SH3BGRL: variants seen among roughly 807,000 people sequenced by gnomAD.
SH3BGRL encodes SH3 domain binding glutamate rich protein like.
Under a neutral mutation model 9.8 loss-of-function variants are expected in SH3BGRL, and 7 were observed. That is an observed-to-expected ratio of 0.72 (90% CI 0.41 to 1.35). SH3BGRL has a LOEUF of 1.35. Among genes scored for constraint, SH3BGRL ranks in the 40% most tolerant of loss-of-function variants. The pLI is 0.01. For missense variants in SH3BGRL, 73 were observed against 84.4 expected (o/e 0.86, Z 0.53); for synonymous variants, 36 against 29.1 (o/e 1.24, Z -0.76).
intron 3 of SH3BGRL, among the ~76,000 whole-genome samples, chrX:81,290,676 C>T (rs193152949): frequency 8.2e-5 from 9 of 109,571 alleles, no homozygotes; most frequent in East Asian, 5.8e-4. Context: ...ATGAAGACTA[C>T]GGTCAAAAAT....
At chrX:81,209,980 G>T (rs772099505) in intron 1 of SH3BGRL, among the ~76,000 whole-genome samples, 4 of 111,552 alleles carry the variant, frequency 3.6e-5, no homozygotes, top group Non-Finnish European at 7.5e-5. Context: ...TGGTTTCTAT[G>T]ATTCTGTAAA....
intron 1 of SH3BGRL, among the ~76,000 whole-genome samples, chrX:81,269,715 G>T (rs998235104): frequency 9.1e-6 from 1 of 110,437 alleles, no homozygotes; most frequent in Non-Finnish European, 1.9e-5. Context: ...TCTTCTTGAG[G>T]GGTATCTTTG....
chrX:81,205,504 GTATA>G (rs34834268), intron 1 of SH3BGRL, among the ~76,000 whole-genome samples: 1,307 of 85,097 alleles, frequency 0.015, 17 homozygotes, highest in African/African-American at 0.042. Context: ...GTGTGTGTGT[GTATA>G]TATATATATA....
At chrX:81,286,341 T>C (rs758170391) in intron 3 of SH3BGRL, among the ~76,000 whole-genome samples, 8 of 109,907 alleles carry the variant, frequency 7.3e-5, no homozygotes, top group Non-Finnish European at 1.5e-4. Context: ...TTAGCTTTAG[T>C]TGAATTAAAC....
intron 1 of SH3BGRL, chrX:81,255,563 G>T (rs1023627558): frequency 8.9e-6 from 1 of 111,752 alleles, no homozygotes. Context: ...TTGAATTGGG[G>T]CATTGTGTGC....
intron 1 of SH3BGRL, among the ~76,000 whole-genome samples, chrX:81,209,209 C>T (rs754351312): frequency 7.3e-5 from 8 of 109,293 alleles, no homozygotes; most frequent in African/African-American, 2.7e-4. Context: ...GTTTTCACCA[C>T]GTTGCCCAGG....
intron 1 of SH3BGRL, among the ~76,000 whole-genome samples, chrX:81,241,117 C>T (rs185097029): frequency 8.9e-6 from 1 of 112,729 alleles, no homozygotes; most frequent in East Asian, 2.8e-4. Flanking sequence ...AAGTTGTGGC[C>T]TTGTCTGGGT....
At chrX:81,286,498 C>CAAAAAAAAAAAA (rs570813241) in intron 3 of SH3BGRL, among the ~76,000 whole-genome samples, 1 of 46,398 alleles carries the variant, frequency 2.2e-5, no homozygotes, top group African/African-American at 9.3e-5. Flanking sequence ...AGCTACTAGG[C>CAAAAAAAAAAAA]AAAAAAAAAA....
intron 1 of SH3BGRL, among the ~76,000 whole-genome samples, chrX:81,238,821 A>AGAGAGAGG (rs1242101902): frequency 1.8e-5 from 2 of 109,628 alleles, no homozygotes; most frequent in African/African-American, 3.3e-5. Context: ...AGAGAGAGAG[A>AGAGAGAGG]GAGAGGGAGA....
At chrX:81,262,041 A>C (rs971855137) in intron 1 of SH3BGRL, among the ~76,000 whole-genome samples, 1 of 111,372 alleles carries the variant, frequency 9.0e-6, no homozygotes, top group African/African-American at 3.3e-5. Context: ...CTGCCCAGTC[A>C]GCCTCAAAGA....
At chrX:81,243,590 G>A (rs927157641) in intron 1 of SH3BGRL, among the ~76,000 whole-genome samples, 19 of 110,820 alleles carry the variant, frequency 1.7e-4, no homozygotes, top group East Asian at 5.6e-4. Flanking sequence ...ATAGATACCC[G>A]ATTCTCTATG....
At chrX:81,234,088 C>G (rs1255898024) in intron 1 of SH3BGRL, among the ~76,000 whole-genome samples, 1 of 111,491 alleles carries the variant, frequency 9.0e-6, no homozygotes, top group Non-Finnish European at 1.9e-5. Context: ...TCTCTAGGCT[C>G]TTTACATAGT....
At chrX:81,254,577 A>T (rs894325551) in intron 1 of SH3BGRL, among the ~76,000 whole-genome samples, 2 of 112,255 alleles carry the variant, frequency 1.8e-5, no homozygotes, top group African/African-American at 6.5e-5. Context: ...GCTACAGCTA[A>T]CATAGTCTGA....
At chrX:81,278,250 A>T (rs931175504) in intron 2 of SH3BGRL, 81 bp from the exon 3 acceptor site, 1 of 711,991 alleles carries the variant, frequency 1.4e-6, no homozygotes, top group Non-Finnish European at 2.1e-6. Flanking sequence ...GGCGTGAGCC[A>T]CTGCTTTCGG....
At chrX:81,276,150 T>A (rs1275054657) in intron 1 of SH3BGRL, among the ~76,000 whole-genome samples, 2 of 110,476 alleles carry the variant, frequency 1.8e-5, no homozygotes, top group South Asian at 4.0e-4. Context: ...TGAATACAGG[T>A]TCTAAAAGAA....
intron 1 of SH3BGRL, among the ~76,000 whole-genome samples, chrX:81,227,461 A>G (rs1354925455): frequency 8.9e-6 from 1 of 111,836 alleles, no homozygotes; most frequent in Non-Finnish European, 1.9e-5. Context: ...GGCCTGTCTC[A>G]TCACTTGGAA....
chrX:81,218,635 A>G (rs1444576654), intron 1 of SH3BGRL, among the ~76,000 whole-genome samples: 1 of 105,718 alleles, frequency 9.5e-6, no homozygotes, highest in Non-Finnish European at 1.9e-5. Context: ...GACAGGTTTT[A>G]TACATCTATA....
At chrX:81,270,967 C>G (rs911207380) in intron 1 of SH3BGRL, among the ~76,000 whole-genome samples, 4 of 111,954 alleles carry the variant, frequency 3.6e-5, no homozygotes, top group African/African-American at 1.3e-4. Context: ...GGACGTCCCC[C>G]CCCAACCAAG....
chrX:81,235,640 G>A (rs1813480828), intron 1 of SH3BGRL, among the ~76,000 whole-genome samples: 1 of 111,407 alleles, frequency 9.0e-6, no homozygotes, highest in Admixed American at 9.5e-5. Context: ...CAGTCATACT[G>A]AGGTTTGAAA....
Sources: allele counts gnomAD v4.1 joint callset (sites outside exome capture counted in the v4.1 genomes callset), GRCh38; gene constraint gnomAD v4.1.1; transcripts MANE v1.5; gene names NCBI Gene and HGNC (gene_info 2026-07-23, HGNC 2026-07-21).